TDRD6: variants seen among roughly 807,000 people sequenced by gnomAD.
TDRD6 encodes the protein tudor domain containing 6.
TDRD6 carries 186 observed loss-of-function variants against 157.5 expected under a neutral mutation model. The observed-to-expected ratio is 1.18, with a 90% CI of 1.05 to 1.33. TDRD6 has a LOEUF of 1.33. Ranked by LOEUF, TDRD6 falls within the 40% of genes most tolerant of loss-of-function variation. The probability of loss-of-function intolerance (pLI) is 0.00; values close to 1 mark genes in which losing one functional copy is unlikely to be tolerated. For synonymous variants in TDRD6, 1,075 were observed against 945.2 expected (o/e 1.14, Z -2.52); for missense variants, 3,066 against 2,508.0 (o/e 1.22, Z -4.75).
chr6:46,693,497 C>G lies in TDRD6; in HGVS notation c.5369C>G (p.Thr1790Ser), dbSNP rs769456301. ...AACCCCTGCAAAGATAAAATTGATACTGAGGAACTGGAAGGTGAATTAGAG... is the reference window on the plus strand; with the variant it reads ...AACCCCTGCAAAGATAAAATTGATAGTGAGGAACTGGAAGGTGAATTAGAG... ...FENPCKDKID[T>S]EELEGELECH... is the part of the protein sequence containing the mutation. The change falls in exon 1 of 4, where the codon ACT becomes AGT. Residue 1790 changes from threonine (T) to serine (S), a missense_variant. Transcript: ENST00000316081. 2 of 1,613,736 alleles carry G rather than the reference C, an allele frequency of 1.2e-6. No homozygotes were observed. The highest frequency in any genetic ancestry group is 2.2e-5 in the South Asian group (2 of 91,032).
the TDRD6 span, among the ~76,000 whole-genome samples, chr6:46,681,892 C>T: frequency 1.4e-4 from 22 of 151,904 alleles, no homozygotes; most frequent in Admixed American, 9.8e-4. Flanking sequence ...AAGACAGTTT[C>T]GAATAGTGGG....
chr6:46,687,254 CTG>C (rs774942260), upstream of TDRD6, among the ~76,000 whole-genome samples: 9 of 152,114 alleles, frequency 5.9e-5, no homozygotes, highest in Non-Finnish European at 8.8e-5. Context: ...TGTGCTAGCT[CTG>C]TGAGTAAATG....
Position 46,693,185 on chromosome 6 carries a change from G to A in TDRD6, c.5057G>A (p.Ser1686Asn). The A allele has an allele frequency of 6.2e-7, 1 of 1,609,136 alleles. No homozygotes were observed. The highest frequency in any genetic ancestry group is 8.5e-7 in the Non-Finnish European group (1 of 1,178,146). Residue 1686 changes from serine to asparagine, a missense_variant, in exon 1 of 4, where the codon AGC becomes AAC. Coordinates refer to ENST00000316081, the MANE Select transcript of TDRD6 (RefSeq NM_001010870.3). ...DIPLAIVDLK[S>N]KGKSINEKME... Reference sequence around the variant, plus strand: ...CCTTTAGCAATTGTTGACTTGAAAAGCAAAGGTAAAAGTATTAATGAGAAA... The same window carrying A: ...CCTTTAGCAATTGTTGACTTGAAAAACAAAGGTAAAAGTATTAATGAGAAA...
At position 46,693,982 on chromosome 6, in the gene TDRD6, C is replaced by T. The variant is rs138138658; in HGVS notation, c.5854C>T (p.Gln1952Ter). 1.2e-6 allele frequency: 2 copies of T among 1,613,656 alleles called. No homozygotes were observed. The highest frequency in any genetic ancestry group is 1.3e-5 in the African/African-American group (1 of 75,030). Residue 1952 changes from glutamine (Q) to a stop codon, truncating the protein, a stop_gained, in exon 1 of 4, where the codon CAG becomes TAG. Coordinates refer to ENST00000316081, the MANE Select transcript of TDRD6 (RefSeq NM_001010870.3). LOFTEE classifies it high-confidence loss of function. ...AAGTTGTGTAGAATCTTTTGATGACCAGCGCAGGATGTCATTGCATCTACA... is the reference window on the plus strand; with the variant it reads ...AAGTTGTGTAGAATCTTTTGATGACTAGCGCAGGATGTCATTGCATCTACA... Reference protein sequence around the residue: ...KSSCVESFDDQRRMSLHLHGA... With the variant: ...KSSCVESFDD
Position 46,690,418 on chromosome 6 carries a change from A to T in TDRD6, c.2290A>T (p.Ser764Cys), listed in dbSNP as rs1327304456. Residue 764 changes from serine (S) to cysteine (C), a missense_variant, in exon 1 of 4, where the codon AGT becomes TGT. By Grantham distance (112) the Ser-to-Cys change is moderately radical (BLOSUM62 -1). Transcript: ENST00000316081. ...CTTGGAAATTAAGCCAGGCTCCTCT[A>T]GTAAAGGAGAGCTGGAAGTTGGAAG... The part of the protein sequence containing the change: ...NCLEIKPGSS[S>C]KGELEVGSTV... The T allele has an allele frequency of 3.1e-6, 5 of 1,614,056 alleles. No homozygotes were observed. Among genetic ancestry groups the T allele is most frequent in the Non-Finnish European group, 4.2e-6 (5 of 1,180,020 alleles).
chr6:46,687,846 T>C (rs1435718586), upstream of TDRD6: 5 of 395,310 alleles, frequency 1.3e-5, no homozygotes, highest in South Asian at 4.1e-5. Flanking sequence ...CCGCCCACTC[T>C]CCGCGGCCGG....
rs974486355 is a variant in TDRD6 at position 46,688,880 on chromosome 6, C to G, written c.752C>G (p.Thr251Arg). 8.1e-6 allele frequency: 13 copies of G among 1,605,218 alleles called. No homozygotes were observed. Among genetic ancestry groups the G allele is most frequent in the Non-Finnish European group, 1.1e-5 (13 of 1,173,916 alleles). ...YFYPQLQLGVTEAVVITQVCH... is the reference protein window; with the variant it reads ...YFYPQLQLGVREAVVITQVCH... ...TATCCCCAGCTGCAGCTGGGCGTGA[C>G]GGAGGCCGTGGTCATAACCCAAGTG... is the stretch of plus-strand genomic sequence containing the variant. The change falls in exon 1 of 4, where the codon ACG becomes AGG. Residue 251 changes from threonine to arginine, a missense_variant. Coordinates refer to ENST00000316081, the MANE Select transcript of TDRD6 (RefSeq NM_001010870.3).
rs1337297666 is a variant in TDRD6 at position 46,689,113 on chromosome 6, G to GT, written c.985_986insT (p.Ala329ValfsTer5). On this transcript the variant is annotated frameshift_variant, in exon 1 of 4. Transcript: ENST00000316081. LOFTEE classifies it high-confidence loss of function. ...TGGCCTGGATGGACATTGGTACAGA[G>GT]CACTGTTGCTTGAGACTTTTCGGCC... 3 of 1,614,030 alleles carry GT rather than the reference G, an allele frequency of 1.9e-6. No individual in the cohort carries two copies. The highest frequency in any genetic ancestry group is 2.5e-6 in the Non-Finnish European group (3 of 1,180,052).
chr6:46,690,245 G>A lies in TDRD6; in HGVS notation c.2117G>A (p.Gly706Glu), dbSNP rs770090615. 13 of 1,613,656 alleles carry A rather than the reference G, an allele frequency of 8.1e-6. No individual in the cohort carries two copies. In the South Asian group the frequency reaches 1.4e-4, roughly 18 times the overall value. Reference protein sequence around the residue: ...NKIPFAKTGEGEQKAKRENKT... With the variant: ...NKIPFAKTGEEEQKAKRENKT... The stretch of plus-strand genomic sequence containing the variant: ...ATACCTTTTGCCAAGACTGGAGAAG[G>A]AGAGCAGAAAGCCAAGAGAGAGAAT... The change falls in exon 1 of 4, where the codon GGA becomes GAA. Residue 706 changes from glycine to glutamate, a missense_variant. Physicochemically the swap from Gly to Glu is moderately conservative, Grantham distance 98. Transcript: ENST00000316081.
rs574760653 is a variant in TDRD6 at position 46,701,613 on chromosome 6, T to C, written c.6262-245T>C. ...GTTCACACCATTCTCTAGCAAAATATAAAATATGCCAATTTCATAATTTTT... is the reference window on the plus strand; with the variant it reads ...GTTCACACCATTCTCTAGCAAAATACAAAATATGCCAATTTCATAATTTTT... On this transcript the variant is annotated intron_variant, in intron 3 of 3. Coordinates refer to ENST00000316081, the MANE Select transcript of TDRD6 (RefSeq NM_001010870.3). Among the ~76,000 whole-genome samples, 27 of 152,286 alleles carry C rather than the reference T, an allele frequency of 1.8e-4. 1 individual carries two copies. The highest frequency in any genetic ancestry group is 3.4e-3 in the Middle Eastern group (1 of 294).
intron 2 of TDRD6, among the ~76,000 whole-genome samples, chr6:46,696,820 C>T (rs1056450067): frequency 1.3e-5 from 2 of 150,694 alleles, no homozygotes; most frequent in African/African-American, 4.9e-5. Context: ...ACCTTGTTAG[C>T]GAGGATGGTC....
At position 46,695,912 on chromosome 6, in the gene TDRD6, T is replaced by C. The variant is rs372983689; in HGVS notation, c.6138T>C (p.Cys2046=). Reference sequence around the variant, plus strand: ...GTCTAAGAAACACATGGTCTAAATGTGAGATTTTAGAAACAGCTGAAGAAG... The same window carrying C: ...GTCTAAGAAACACATGGTCTAAATGCGAGATTTTAGAAACAGCTGAAGAAG... ...WSSLRNTWSK[C]EILETAEEGT... The change falls in exon 2 of 4, where the codon TGT becomes TGC. Residue 2046 remains cysteine, a synonymous_variant. Coordinates refer to ENST00000316081, the MANE Select transcript of TDRD6 (RefSeq NM_001010870.3). 12 of 1,613,192 alleles carry C rather than the reference T, an allele frequency of 7.4e-6. No homozygotes were observed. Among genetic ancestry groups the C allele is most frequent in the Non-Finnish European group, 1.0e-5 (12 of 1,179,600 alleles).
chr6:46,687,414 A>G (rs200028364), upstream of TDRD6, among the ~76,000 whole-genome samples: 13 of 152,162 alleles, frequency 8.5e-5, no homozygotes, highest in East Asian at 1.9e-3. Context: ...ATCAATTCAG[A>G]TGATGGAACA....
chr6:46,695,671 CA>C, intron 1 of TDRD6, 149 bp from the exon 2 acceptor site: 1 of 723,936 alleles, frequency 1.4e-6, no homozygotes. Flanking sequence ...GAATTTTAAA[CA>C]AAATTGAGGG....
At position 46,689,595 on chromosome 6, in the gene TDRD6, C is replaced by T. The variant is rs761022400; in HGVS notation, c.1467C>T (p.Tyr489=). The change falls in exon 1 of 4, where the codon TAC becomes TAT. Residue 489 remains tyrosine, a synonymous_variant. Coordinates refer to ENST00000316081, the MANE Select transcript of TDRD6 (RefSeq NM_001010870.3). ...RSIRLKMNAF[Y]DAQVEFVKNP... ...TCAGGTTAAAGATGAATGCCTTCTA[C>T]GATGCGCAGGTAGAGTTTGTTAAAA... 2 of 1,614,092 alleles carry T rather than the reference C, an allele frequency of 1.2e-6. No homozygotes were observed. The highest frequency in any genetic ancestry group is 1.7e-5 in the Admixed American group (1 of 60,020).
intron 3 of TDRD6, chr6:46,701,156 T>C (rs1344200911): frequency 7.9e-6 from 2 of 251,796 alleles, no homozygotes; most frequent in Non-Finnish European, 1.6e-5. Flanking sequence ...CAAAAATGGT[T>C]TATCAATTTC....
At position 46,693,634 on chromosome 6, in the gene TDRD6, G is replaced by A. The variant is rs371134641; in HGVS notation, c.5506G>A (p.Glu1836Lys). 26 of 1,614,156 alleles carry A rather than the reference G, an allele frequency of 1.6e-5. No homozygotes were observed. The African/African-American group carries it at 3.1e-4, about 19-fold the overall frequency. Reference sequence around the variant, plus strand: ...GGAGATACTAGAACTGAATTCACTTGAGGTGCCGCTTTCTCCTGATGATGA... The same window carrying A: ...GGAGATACTAGAACTGAATTCACTTAAGGTGCCGCTTTCTCCTGATGATGA... ...TKEILELNSLEVPLSPDDESK... is the reference protein window; with the variant it reads ...TKEILELNSLKVPLSPDDESK... Residue 1836 changes from glutamate (E) to lysine (K), a missense_variant, in exon 1 of 4, where the codon GAG becomes AAG. By Grantham distance (56) the Glu-to-Lys change is moderately conservative. Transcript: ENST00000316081.
Position 46,693,933 on chromosome 6 carries a change from GT to G in TDRD6, c.5806del (p.Cys1936ValfsTer5), listed in dbSNP as rs1239570492. The G allele has an allele frequency of 6.2e-7, 1 of 1,613,888 alleles. No individual in the cohort carries two copies. The highest frequency in any genetic ancestry group is 8.5e-7 in the Non-Finnish European group (1 of 1,179,986). On this transcript the variant is annotated frameshift_variant, in exon 1 of 4. Coordinates refer to ENST00000316081, the MANE Select transcript of TDRD6 (RefSeq NM_001010870.3). LOFTEE classifies it high-confidence loss of function. ...GVSQKAQESM[C>X]TEDMRKSSCV... ...TTAGTCAGAAAGCACAGGAATCCAT[GT>G]GTACTGAGGACATGAGAAAGTCAAG...
chr6:46,689,505 A>C lies in TDRD6; in HGVS notation c.1377A>C (p.Thr459=), dbSNP rs771215293. ...CAACAGAGGAGGAGGAACCAGAAACATCTCAGTCTCAGTCTCCTGCTGAAG... is the reference window on the plus strand; with the variant it reads ...CAACAGAGGAGGAGGAACCAGAAACCTCTCAGTCTCAGTCTCCTGCTGAAG... ...SQATEEEEPE[T]SQSQSPAEEV... is the part of the protein sequence containing the mutation. Residue 459 remains threonine, a synonymous_variant, in exon 1 of 4, where the codon ACA becomes ACC. Transcript: ENST00000316081. 1 of 1,613,902 alleles carries C rather than the reference A, an allele frequency of 6.2e-7. No individual in the cohort carries two copies. The highest frequency in any genetic ancestry group is 1.1e-5 in the South Asian group (1 of 91,082).
Sources: allele counts gnomAD v4.1 joint callset (sites outside exome capture counted in the v4.1 genomes callset), GRCh38; gene constraint gnomAD v4.1.1; transcripts MANE v1.5; gene names NCBI Gene and HGNC (gene_info 2026-07-23, HGNC 2026-07-21).